The following PRKN variants were observed in gnomAD, a reference collection of about 807,000 sequenced individuals.
The protein encoded by PRKN is E3 ubiquitin-protein ligase parkin.
Under a neutral mutation model 59.5 loss-of-function variants are expected in PRKN, and 56 were observed. That is an observed-to-expected ratio of 0.94 (90% CI 0.76 to 1.18). PRKN has a LOEUF of 1.18. Ranked by LOEUF, PRKN falls within the 50% of genes most tolerant of loss-of-function variation. The pLI is 0.00. For missense variants in PRKN, 657 were observed against 596.4 expected (o/e 1.10, Z -1.06); for synonymous variants, 250 against 222.1 (o/e 1.13, Z -1.12).
In PRKN at chr6:161,541,649, C is replaced by T. The variant is rs186578310; in HGVS notation, c.1083+7205G>A. Among the ~76,000 whole-genome samples, 228 of 152,048 alleles carry T rather than the reference C, an allele frequency of 1.5e-3. 1 individual carries two copies. The highest frequency in any genetic ancestry group is 5.3e-3 in the African/African-American group (221 of 41,466). The stretch of plus-strand genomic sequence containing the variant: ...CAGCCTGACCAACATGGTGCAATCC[C>T]GTCTCTACTAAATTTACAAAAATTA... On this transcript the variant is annotated intron_variant, in intron 9 of 11. Transcript: ENST00000366898.
At position 161,512,553 on chromosome 6, in the gene PRKN, G is replaced by A. The variant is rs117585563; in HGVS notation, c.1083+36301C>T. 1.3e-3 allele frequency among the ~76,000 whole-genome samples: 199 copies of A among 152,242 alleles called. 5 individuals are homozygous for A. In the East Asian group the frequency reaches 0.034, roughly 26 times the overall value. On this transcript the variant is annotated intron_variant, in intron 9 of 11. Coordinates refer to ENST00000366898, the MANE Select transcript of PRKN (RefSeq NM_004562.3). ...GTCAACAGAGCGGGCTTCCTTTCAG[G>A]TCACCATATTGAACACACCTGGCTT...
At chr6:161,779,440 CTTT>C (rs10683923) in intron 7 of PRKN, among the ~76,000 whole-genome samples, 1,291 of 41,824 alleles carry the variant, frequency 0.031, 14 homozygotes, top group African/African-American at 0.12. Context: ...CTTTTCTTTT[CTTT>C]TTTTTTTTTT....
intron 2 of PRKN, among the ~76,000 whole-genome samples, chr6:162,369,603 T>C (rs1429884601): frequency 6.6e-6 from 1 of 152,124 alleles, no homozygotes; most frequent in Non-Finnish European, 1.5e-5. Context: ...GAGAAAAAAG[T>C]AAAGATATTA....
intron 1 of PRKN, among the ~76,000 whole-genome samples, chr6:162,713,349 C>T (rs1778608190): frequency 6.6e-6 from 1 of 152,170 alleles, no homozygotes; most frequent in South Asian, 2.1e-4. Flanking sequence ...AAAAAATTAG[C>T]CACGCGTGCT....
intron 7 of PRKN, among the ~76,000 whole-genome samples, chr6:161,714,386 A>G (rs1786880774): frequency 6.6e-6 from 1 of 152,168 alleles, no homozygotes; most frequent in African/African-American, 2.4e-5. Context: ...AGATACTTAT[A>G]AAAGAGGCTT....
chr6:162,258,327 C>T (rs1779739974), intron 3 of PRKN, among the ~76,000 whole-genome samples: 1 of 152,170 alleles, frequency 6.6e-6, no homozygotes, highest in South Asian at 2.1e-4. Flanking sequence ...AGGACTCAAT[C>T]GTTATTTGTT....
chr6:161,912,358 T>C lies in PRKN; in HGVS notation c.734+60944A>G, dbSNP rs137962471. Reference sequence around the variant, plus strand: ...AAAAGCAGAAATAATCTTCTTGTAGTCTGCTCTACTGGTGGTCACCAGTAA... The same window carrying C: ...AAAAGCAGAAATAATCTTCTTGTAGCCTGCTCTACTGGTGGTCACCAGTAA... On this transcript the variant is annotated intron_variant, in intron 6 of 11. Transcript: ENST00000366898. Among the ~76,000 whole-genome samples the C allele has an allele frequency of 4.3e-3, 652 of 152,226 alleles. 7 individuals are homozygous for C. Among genetic ancestry groups the C allele is most frequent in the African/African-American group, 0.014 (572 of 41,522 alleles).
rs564782914 is a variant in PRKN, at chr6:161,799,566, C to T, written c.735-13658G>A. On this transcript the variant is annotated intron_variant, in intron 6 of 11. Transcript: ENST00000366898. ...AAAGGCACAAGAACTTTGAAGAGGG[C>T]AAATAGGACAAAGAACATATTGATT... is the stretch of plus-strand genomic sequence containing the variant. Among the ~76,000 whole-genome samples the T allele has an allele frequency of 2.0e-5, 3 of 152,288 alleles. No homozygotes were observed. In the South Asian group the frequency reaches 6.2e-4, roughly 32 times the overall value.
intron 1 of PRKN, among the ~76,000 whole-genome samples, chr6:162,484,176 A>C (rs1792437557): frequency 6.6e-6 from 1 of 152,204 alleles, no homozygotes; most frequent in African/African-American, 2.4e-5. Context: ...CCCACTGTAA[A>C]TCCTAGTGGA....
At chr6:161,619,423 C>T (rs1186827198) in intron 7 of PRKN, among the ~76,000 whole-genome samples, 1 of 149,252 alleles carries the variant, frequency 6.7e-6, no homozygotes, top group African/African-American at 2.5e-5. Context: ...TTCAATAGGT[C>T]TATCAATAAT....
At chr6:162,654,637 A>AT (rs2128227145) in intron 1 of PRKN, among the ~76,000 whole-genome samples, 1 of 152,264 alleles carries the variant, frequency 6.6e-6, no homozygotes, top group South Asian at 2.1e-4. Context: ...AGAGAAAACA[A>AT]TTTTTTAATG....
At chr6:162,538,351 T>C (rs1778799494) in intron 1 of PRKN, among the ~76,000 whole-genome samples, 1 of 152,046 alleles carries the variant, frequency 6.6e-6, no homozygotes, top group Admixed American at 6.6e-5. Context: ...GAGCTGAGAT[T>C]GTGTCACTGC....
At chr6:161,648,146 A>G (rs547779536) in intron 7 of PRKN, among the ~76,000 whole-genome samples, 1 of 152,344 alleles carries the variant, frequency 6.6e-6, no homozygotes, top group Admixed American at 6.5e-5. Context: ...AAGATCTGAT[A>G]GCCTTGAGAT....
rs1335725595 is a variant in PRKN at position 161,554,475 on chromosome 6, T to C, written c.934-5472A>G. 6.6e-6 allele frequency among the ~76,000 whole-genome samples: 1 copy of C among 151,782 alleles called. No individual in the cohort carries two copies. Among genetic ancestry groups the C allele is most frequent in the African/African-American group, 2.4e-5 (1 of 41,308 alleles). On this transcript the variant is annotated intron_variant, in intron 8 of 11. Coordinates refer to ENST00000366898, the MANE Select transcript of PRKN (RefSeq NM_004562.3). This position sits in a 1 kb window ranked among gnomAD's most constrained non-coding sequence, Gnocchi z 4.5. ...CAGTACTTATGTTGATGGTTGATGT[T>C]TTCCCAGTAATTTTGATTGCTTGAA... is the stretch of plus-strand genomic sequence containing the variant.
At chr6:161,415,670 G>A (rs1485871889) in intron 9 of PRKN, among the ~76,000 whole-genome samples, 1 of 138,232 alleles carries the variant, frequency 7.2e-6, no homozygotes, top group Non-Finnish European at 1.5e-5. Context: ...CCTGGTTGCT[G>A]CAATAGTCTA....
intron 5 of PRKN, among the ~76,000 whole-genome samples, chr6:162,020,663 G>A (rs1316087376): frequency 6.6e-6 from 1 of 152,102 alleles, no homozygotes; most frequent in Non-Finnish European, 1.5e-5. Flanking sequence ...TGTTGAAATT[G>A]GGGAGTTAAC....
intron 6 of PRKN, among the ~76,000 whole-genome samples, chr6:161,902,218 C>G (rs1212755482): frequency 2.0e-5 from 3 of 152,110 alleles, no homozygotes; most frequent in Non-Finnish European, 2.9e-5. Context: ...CTGGCCGGCC[C>G]CGTCCTCGCA....
At chr6:161,531,188 T>A (rs1779195274) in intron 9 of PRKN, among the ~76,000 whole-genome samples, 1 of 151,832 alleles carries the variant, frequency 6.6e-6, no homozygotes, top group Admixed American at 6.6e-5. Flanking sequence ...GAGACCATCC[T>A]GGCTAACATG....
At chr6:162,551,655 C>T (rs1779336282) in intron 1 of PRKN, among the ~76,000 whole-genome samples, 1 of 152,160 alleles carries the variant, frequency 6.6e-6, no homozygotes, top group Non-Finnish European at 1.5e-5. Context: ...AAGAACCACC[C>T]AGAAGATGGT....
Sources: allele counts gnomAD v4.1 joint callset (sites outside exome capture counted in the v4.1 genomes callset), GRCh38; gene constraint gnomAD v4.1.1; non-coding constraint Gnocchi (gnomAD v3.1); transcripts MANE v1.5; gene names NCBI Gene and HGNC (gene_info 2026-07-23, HGNC 2026-07-21).